Variants in LTBP1 observed in about 807,000 individuals in gnomAD.
The protein encoded by LTBP1 is latent transforming growth factor beta binding protein 1.
In LTBP1, 129 loss-of-function variants were observed where a neutral mutation model predicts 207.6. The ratio of observed to expected loss-of-function variants is 0.62; its 90% CI spans 0.54 to 0.72. LTBP1 has a LOEUF of 0.72. Ranked by LOEUF, LTBP1 falls within the 30% of genes least tolerant of loss-of-function variation. LTBP1 has a pLI of 0.00. For synonymous variants in LTBP1, 963 were observed against 833.7 expected (o/e 1.16, Z -2.67); for missense variants, 2,281 against 2,217.2 (o/e 1.03, Z -0.58).
chr2:33,356,160 A>G (rs1472031992), intron 26 of LTBP1, among the ~76,000 whole-genome samples: 1 of 152,094 alleles, frequency 6.6e-6, no homozygotes. Context: ...CTGATGGACT[A>G]AAACTAGGGG....
intron 5 of LTBP1, among the ~76,000 whole-genome samples, chr2:33,150,362 T>C (rs543700131): frequency 6.6e-6 from 1 of 152,292 alleles, no homozygotes; most frequent in East Asian, 1.9e-4. Context: ...ACCCATAATT[T>C]ACATGACTGA....
chr2:33,396,683 C>G (rs2095361212), intron 32 of LTBP1, among the ~76,000 whole-genome samples: 1 of 152,198 alleles, frequency 6.6e-6, no homozygotes, highest in South Asian at 2.1e-4. Flanking sequence ...TCTGGTCTTA[C>G]AAACGCCGGC....
At chr2:33,198,288 G>C (rs1368447557) in intron 7 of LTBP1, among the ~76,000 whole-genome samples, 2 of 152,172 alleles carry the variant, frequency 1.3e-5, no homozygotes, top group Non-Finnish European at 2.9e-5. Flanking sequence ...TGTGCTGCTG[G>C]ATTCGGTTTG....
chr2:32,978,743 C>T (rs1355540881), intron 2 of LTBP1, among the ~76,000 whole-genome samples: 1 of 141,278 alleles, frequency 7.1e-6, no homozygotes, highest in Non-Finnish European at 1.5e-5. Flanking sequence ...TAGAAGTATT[C>T]CCTCCTCCTC....
chr2:33,377,554 C>G (rs761080307), intron 31 of LTBP1, among the ~76,000 whole-genome samples: 1 of 152,150 alleles, frequency 6.6e-6, no homozygotes, highest in African/African-American at 2.4e-5. Flanking sequence ...AAAAAATACT[C>G]TGAATAGAAA....
chr2:33,217,326 T>C (rs1257783857), intron 7 of LTBP1, among the ~76,000 whole-genome samples: 1 of 152,238 alleles, frequency 6.6e-6, no homozygotes, highest in African/African-American at 2.4e-5. Flanking sequence ...TTTCTTAGAC[T>C]AGAAAAACAT....
chr2:32,969,641 A>G (rs958608844), intron 2 of LTBP1, among the ~76,000 whole-genome samples: 4 of 152,210 alleles, frequency 2.6e-5, no homozygotes, highest in African/African-American at 9.7e-5. Context: ...TCCATGGTAT[A>G]TACATACCAC....
chr2:33,033,304 A>T (rs901957045), intron 3 of LTBP1, among the ~76,000 whole-genome samples: 1 of 152,090 alleles, frequency 6.6e-6, no homozygotes, highest in Admixed American at 6.5e-5. Context: ...TAAGTCAGAT[A>T]TTTTATCTGT....
At chr2:33,114,257 T>A (rs1335921148) in intron 4 of LTBP1, among the ~76,000 whole-genome samples, 4 of 152,254 alleles carry the variant, frequency 2.6e-5, no homozygotes, top group African/African-American at 9.6e-5. Flanking sequence ...GGCAAACTTT[T>A]AGGGAGTACT....
chr2:33,378,183 A>ATGTGTGTGTGTG (rs1196073958), intron 31 of LTBP1, among the ~76,000 whole-genome samples: 2,108 of 136,116 alleles, frequency 0.015, 20 homozygotes, highest in Non-Finnish European at 0.02. Flanking sequence ...ATATATATAT[A>ATGTGTGTGTGTG]TATGTGTGTG....
intron 2 of LTBP1, among the ~76,000 whole-genome samples, chr2:32,991,872 G>T (rs1167969476): frequency 1.3e-5 from 2 of 152,126 alleles, no homozygotes; most frequent in Non-Finnish European, 2.9e-5. Flanking sequence ...TTTTCTTTCA[G>T]AGACAACTTT....
Position 33,085,974 on chromosome 2 carries a change from A to G in LTBP1, c.864-24608A>G, listed in dbSNP as rs560871042. Among the ~76,000 whole-genome samples the G allele has an allele frequency of 1.2e-4, 19 of 152,342 alleles. No individual in the cohort carries two copies. In the East Asian group the frequency reaches 3.7e-3, roughly 29 times the overall value. On this transcript the variant is annotated intron_variant, in intron 3 of 33. Coordinates refer to ENST00000404816, the MANE Select transcript of LTBP1 (RefSeq NM_206943.4). ...GGAGTCTGGTGAAATAGCACCATGC[A>G]GATGGTCCATCTTGGCGTAATGGGA...
intron 2 of LTBP1, among the ~76,000 whole-genome samples, chr2:32,983,244 A>G (rs184700354): frequency 1.8e-3 from 276 of 152,324 alleles, no homozygotes; most frequent in Non-Finnish European, 1.3e-3. Context: ...TCAGACTTGC[A>G]TGGAGCATTG....
chr2:33,247,975 A>G (rs895591128), intron 10 of LTBP1, among the ~76,000 whole-genome samples: 6 of 152,200 alleles, frequency 3.9e-5, no homozygotes, highest in Non-Finnish European at 7.4e-5. Context: ...AGCCTGTGTC[A>G]TCTTGGACTC....
At chr2:33,146,809 A>C (rs2083085510) in intron 5 of LTBP1, among the ~76,000 whole-genome samples, 1 of 152,346 alleles carries the variant, frequency 6.6e-6, no homozygotes, top group African/African-American at 2.4e-5. Flanking sequence ...AAGAACAGCA[A>C]GGGAAAGTTC....
intron 26 of LTBP1, among the ~76,000 whole-genome samples, chr2:33,352,956 C>T (rs1227824965): frequency 1.3e-5 from 2 of 151,290 alleles, no homozygotes; most frequent in Non-Finnish European, 2.9e-5. Flanking sequence ...GTGCCCTCCC[C>T]CTTGTAAGCC....
At chr2:33,355,981 C>G (rs755386774) in intron 26 of LTBP1, among the ~76,000 whole-genome samples, 4 of 151,230 alleles carry the variant, frequency 2.6e-5, no homozygotes, top group Admixed American at 6.6e-5. Flanking sequence ...GCATGTTTTA[C>G]CATCTGAAGT....
intron 3 of LTBP1, among the ~76,000 whole-genome samples, chr2:33,094,099 T>TA (rs1382473842): frequency 6.6e-6 from 1 of 152,178 alleles, no homozygotes; most frequent in East Asian, 1.9e-4. Flanking sequence ...ATAAAGCTTT[T>TA]AGAGTTTTTC....
chr2:33,202,651 GA>G (rs1415500259), intron 7 of LTBP1, among the ~76,000 whole-genome samples: 1 of 152,130 alleles, frequency 6.6e-6, no homozygotes, highest in African/African-American at 2.4e-5. Context: ...GAAGTCTAAA[GA>G]AAAAAATGGT....
Sources: allele counts gnomAD v4.1 joint callset (sites outside exome capture counted in the v4.1 genomes callset), GRCh38; gene constraint gnomAD v4.1.1; transcripts MANE v1.5; gene names NCBI Gene and HGNC (gene_info 2026-07-23, HGNC 2026-07-21).